The following CSMD2 variants were observed in gnomAD, a reference collection of about 807,000 sequenced individuals.
The protein encoded by CSMD2 is CUB and sushi domain-containing protein 2.
A neutral mutation model predicts 398.5 loss-of-function variants in CSMD2; 130 were observed. The ratio of observed to expected loss-of-function variants is 0.33; its 90% CI spans 0.28 to 0.38. The LOEUF (loss-of-function observed/expected upper bound fraction) is 0.38. CSMD2 is among the 10% of genes least tolerant of loss of function. CSMD2 has a pLI of 1.00. For synonymous variants in CSMD2, 1,828 were observed against 1,908.5 expected (o/e 0.96, Z 1.10); for missense variants, 3,829 against 4,764.9 (o/e 0.80, Z 5.78).
chr1:33,673,269 A>G (rs1644578258), intron 25 of CSMD2, among the ~76,000 whole-genome samples: 2 of 152,206 alleles, frequency 1.3e-5, no homozygotes, highest in Admixed American at 1.3e-4. Context: ...TCCTTAAAGG[A>G]CCTGATGGTG....
chr1:33,569,868 T>C (rs1019542781), intron 51 of CSMD2, among the ~76,000 whole-genome samples: 9 of 152,214 alleles, frequency 5.9e-5, no homozygotes, highest in African/African-American at 2.2e-4. Flanking sequence ...TAGGAAGAGA[T>C]GGCGATTCTG....
At chr1:34,018,953 G>A (rs911543307) in intron 3 of CSMD2, among the ~76,000 whole-genome samples, 11 of 152,128 alleles carry the variant, frequency 7.2e-5, no homozygotes, top group African/African-American at 2.2e-4. Flanking sequence ...TCCAATAGTC[G>A]CAACTATGTG....
At chr1:33,957,457 C>T (rs1297669156) in intron 3 of CSMD2, among the ~76,000 whole-genome samples, 1 of 152,022 alleles carries the variant, frequency 6.6e-6, no homozygotes, top group Non-Finnish European at 1.5e-5. Flanking sequence ...CAAGGCTAGA[C>T]CTCGCTTTAA....
chr1:33,690,411 T>G lies in CSMD2; in HGVS notation c.4052+2519A>C, dbSNP rs147451844. 2.0e-3 allele frequency among the ~76,000 whole-genome samples: 312 copies of G among 152,350 alleles called. 1 individual carries two copies. The highest frequency in any genetic ancestry group is 6.9e-3 in the African/African-American group (285 of 41,588). ...TCCCATCTCCTCCTGTCCTGCTTTTTCATTCCCCTTCCTCATTGTGCCACC... is the reference window on the plus strand; with the variant it reads ...TCCCATCTCCTCCTGTCCTGCTTTTGCATTCCCCTTCCTCATTGTGCCACC... On this transcript the variant is annotated intron_variant, in intron 25 of 70. Transcript: ENST00000373381.
At position 33,891,549 on chromosome 1, in the gene CSMD2, G is replaced by A. The variant is rs1289159283; in HGVS notation, c.920+26545C>T. ...TTTGACCCAGCCATCTCATTACTGG[G>A]TATATACCCAAAGGATTAAAAATCA... On this transcript the variant is annotated intron_variant, in intron 5 of 70. Coordinates refer to ENST00000373381, the MANE Select transcript of CSMD2 (RefSeq NM_001281956.2). 1.5e-4 allele frequency among the ~76,000 whole-genome samples: 23 copies of A among 151,706 alleles called. No homozygotes were observed. In the East Asian group the frequency reaches 4.1e-3, roughly 27 times the overall value.
chr1:33,560,002 C>T (rs1277280016), intron 53 of CSMD2, among the ~76,000 whole-genome samples: 1 of 152,198 alleles, frequency 6.6e-6, no homozygotes, highest in Non-Finnish European at 1.5e-5. Flanking sequence ...CCAATTCCTT[C>T]CATGGCAAGG....
chr1:34,053,240 C>T (rs1414271901), intron 2 of CSMD2, among the ~76,000 whole-genome samples: 1 of 152,086 alleles, frequency 6.6e-6, no homozygotes, highest in Non-Finnish European at 1.5e-5. Flanking sequence ...CATATTCATT[C>T]TCTTGATAGG....
intron 64 of CSMD2, among the ~76,000 whole-genome samples, chr1:33,529,665 A>T (rs927572230): frequency 5.3e-5 from 8 of 152,276 alleles, no homozygotes; most frequent in Non-Finnish European, 1.0e-4. Flanking sequence ...TCTAAGAAGT[A>T]AAACTAGAAA....
intron 1 of CSMD2, among the ~76,000 whole-genome samples, chr1:34,155,489 G>C (rs905436798): frequency 3.3e-5 from 5 of 152,198 alleles, no homozygotes; most frequent in African/African-American, 1.2e-4. Context: ...CTGCTGCCCA[G>C]GGGTGGGTGG....
At chr1:34,140,394 C>G (rs370823645) in intron 1 of CSMD2, among the ~76,000 whole-genome samples, 1 of 151,876 alleles carries the variant, frequency 6.6e-6, no homozygotes, top group Non-Finnish European at 1.5e-5. Flanking sequence ...TCTGGCTCTC[C>G]GAGCAAAGGC....
intron 1 of CSMD2, among the ~76,000 whole-genome samples, chr1:34,102,662 C>A (rs1660089115): frequency 1.7e-5 from 1 of 57,710 alleles, no homozygotes; most frequent in South Asian, 4.7e-4. Context: ...CCAACCATAT[C>A]CCTGTAATCC....
intron 2 of CSMD2, among the ~76,000 whole-genome samples, chr1:34,037,443 C>T (rs780228669): frequency 6.6e-6 from 1 of 152,160 alleles, no homozygotes; most frequent in Non-Finnish European, 1.5e-5. Flanking sequence ...CCGAAATATT[C>T]GTATCTTCAG....
chr1:34,096,229 T>C (rs946040139), intron 1 of CSMD2, among the ~76,000 whole-genome samples: 11 of 151,932 alleles, frequency 7.2e-5, no homozygotes, highest in Non-Finnish European at 1.5e-4. Context: ...GCTAAAAACT[T>C]TCAATAAATT....
chr1:34,120,772 T>C (rs572614002), intron 1 of CSMD2, among the ~76,000 whole-genome samples: 28 of 152,292 alleles, frequency 1.8e-4, no homozygotes, highest in Non-Finnish European at 4.0e-4. Context: ...TTCAAACTCC[T>C]GATCTCAGGC....
intron 25 of CSMD2, among the ~76,000 whole-genome samples, chr1:33,678,525 T>A (rs746004389): frequency 1.3e-5 from 2 of 151,862 alleles, no homozygotes; most frequent in African/African-American, 4.8e-5. Context: ...TAGGGGAAAA[T>A]GGCATGTGAA....
chr1:33,608,701 A>T (rs1444494278), intron 41 of CSMD2, among the ~76,000 whole-genome samples: 1 of 152,132 alleles, frequency 6.6e-6, no homozygotes, highest in African/African-American at 2.4e-5. Context: ...TGATACTTCT[A>T]AGAGCTGAGA....
intron 2 of CSMD2, among the ~76,000 whole-genome samples, chr1:34,047,794 C>T (rs1491001265): frequency 6.6e-6 from 1 of 152,128 alleles, no homozygotes; most frequent in African/African-American, 2.4e-5. Flanking sequence ...CGGAGGTCAT[C>T]TCAAAGAGGA....
At chr1:34,165,795 C>T (rs1166040845), upstream of CSMD2, 28 of 1,613,524 alleles carry the variant, frequency 1.7e-5, no homozygotes, top group Non-Finnish European at 2.4e-5. Context: ...GGGCCGGGGG[C>T]GATGCTTATG....
At chr1:33,790,784 C>T (rs867547867) in intron 11 of CSMD2, among the ~76,000 whole-genome samples, 3 of 151,090 alleles carry the variant, frequency 2.0e-5, no homozygotes, top group Non-Finnish European at 2.9e-5. Context: ...ATCAATCAAT[C>T]GTCTATCATC....
Sources: gnomAD v4.1 joint callset for allele counts (sites outside exome capture counted in the v4.1 genomes callset) on GRCh38, gnomAD v4.1.1 for gene constraint, MANE v1.5 for transcripts, NCBI Gene and HGNC (gene_info 2026-07-23, HGNC 2026-07-21) for gene names.